KCNIP1: variants seen among roughly 807,000 people sequenced by gnomAD.
KCNIP1 encodes A-type potassium channel modulatory protein KCNIP1.
A neutral mutation model predicts 33.0 loss-of-function variants in KCNIP1; 18 were observed. That is an observed-to-expected ratio of 0.55 (90% CI 0.38 to 0.81). The LOEUF (loss-of-function observed/expected upper bound fraction) is 0.81. Ranked by LOEUF, KCNIP1 falls within the 30% of genes least tolerant of loss-of-function variation. KCNIP1 has a pLI of 0.00. For synonymous variants in KCNIP1, 93 were observed against 98.3 expected, an observed-to-expected ratio of 0.95 and a Z score of 0.32; for missense variants, 238 against 271.6, an observed-to-expected ratio of 0.88 and a Z score of 0.87.
chr5:170,430,869 C>T (rs1051855423), intron 1 of KCNIP1, among the ~76,000 whole-genome samples: 5 of 152,192 alleles, frequency 3.3e-5, no homozygotes, highest in Non-Finnish European at 4.4e-5. Context: ...GACCCCTTCA[C>T]TAGTCTCATA....
At chr5:170,640,561 G>T (rs1212610665) in intron 1 of KCNIP1, among the ~76,000 whole-genome samples, 4 of 152,188 alleles carry the variant, frequency 2.6e-5, no homozygotes, top group Non-Finnish European at 4.4e-5. Context: ...AATGAAATTT[G>T]TTTAACCGGT....
At chr5:170,640,869 C>A (rs956259865) in intron 1 of KCNIP1, among the ~76,000 whole-genome samples, 10 of 152,262 alleles carry the variant, frequency 6.6e-5, no homozygotes, top group Admixed American at 5.2e-4. Flanking sequence ...AGAATCGACT[C>A]CTCTGCTTCC....
At chr5:170,688,121 C>T (rs1310989959) in intron 1 of KCNIP1, among the ~76,000 whole-genome samples, 2 of 152,188 alleles carry the variant, frequency 1.3e-5, no homozygotes, top group African/African-American at 4.8e-5. Flanking sequence ...CTCATGGCTA[C>T]CAGGTGAGCA....
intron 1 of KCNIP1, among the ~76,000 whole-genome samples, chr5:170,476,561 A>C (rs183822681): frequency 0.065 from 9,908 of 152,230 alleles, 642 homozygotes; most frequent in African/African-American, 0.15. Context: ...AAAAAATAGC[A>C]GTATGACAAT....
intron 1 of KCNIP1, among the ~76,000 whole-genome samples, chr5:170,664,026 C>G (rs1235663510): frequency 2.0e-5 from 3 of 152,132 alleles, no homozygotes; most frequent in African/African-American, 7.2e-5. Flanking sequence ...TTTGACCATG[C>G]CACTTTCTCC....
chr5:170,362,016 G>C (rs1240210563), intron 1 of KCNIP1, among the ~76,000 whole-genome samples: 1 of 152,150 alleles, frequency 6.6e-6, no homozygotes, highest in Non-Finnish European at 1.5e-5. Context: ...GATTTCAAAG[G>C]CCTCTTTCAG....
intron 1 of KCNIP1, among the ~76,000 whole-genome samples, chr5:170,699,288 G>A (rs1763008380): frequency 6.6e-6 from 1 of 152,072 alleles, no homozygotes; most frequent in Admixed American, 6.5e-5. Context: ...ACACAGAGAA[G>A]ATGGGTACAT....
intron 2 of KCNIP1, among the ~76,000 whole-genome samples, chr5:170,719,976 G>C (rs1763763076): frequency 6.6e-6 from 1 of 152,144 alleles, no homozygotes; most frequent in Non-Finnish European, 1.5e-5. Flanking sequence ...AGATACCCTT[G>C]GGGAAGTTAT....
chr5:170,471,339 T>TCCCCC (rs530701132), intron 1 of KCNIP1, among the ~76,000 whole-genome samples: 7 of 152,326 alleles, frequency 4.6e-5, no homozygotes, highest in African/African-American at 1.7e-4. Flanking sequence ...AACAACACCC[T>TCCCCC]CCCCAGTCCC....
intron 1 of KCNIP1, among the ~76,000 whole-genome samples, chr5:170,583,829 C>T (rs574526338): frequency 2.0e-5 from 3 of 152,136 alleles, no homozygotes; most frequent in Non-Finnish European, 4.4e-5. Context: ...TAAAGATAAT[C>T]ATCAGTTTTT....
intron 3 of KCNIP1, among the ~76,000 whole-genome samples, chr5:170,721,504 T>C (rs1763822866): frequency 6.6e-6 from 1 of 152,122 alleles, no homozygotes. Context: ...TGAGTGCTCA[T>C]CCCAGGCATT....
At chr5:170,649,175 T>C (rs1760909421) in intron 1 of KCNIP1, among the ~76,000 whole-genome samples, 1 of 152,160 alleles carries the variant, frequency 6.6e-6, no homozygotes, top group South Asian at 2.1e-4. Flanking sequence ...AAAATTATTG[T>C]TGAACGCATT....
intron 1 of KCNIP1, among the ~76,000 whole-genome samples, chr5:170,506,352 A>C (rs1205131911): frequency 6.6e-6 from 1 of 152,130 alleles, no homozygotes; most frequent in Non-Finnish European, 1.5e-5. Flanking sequence ...GTATGTAGGA[A>C]GTAGAGGAAG....
At chr5:170,431,207 G>A (rs76916907) in intron 1 of KCNIP1, among the ~76,000 whole-genome samples, 2 of 152,350 alleles carry the variant, frequency 1.3e-5, no homozygotes, top group African/African-American at 4.8e-5. Flanking sequence ...GCTGGCGGAG[G>A]AGCCAGAAGG....
rs532845194 is a variant in KCNIP1 at position 170,620,218 on chromosome 5, A to T, written c.62-98540A>T. Among the ~76,000 whole-genome samples, 299 of 152,276 alleles carry T rather than the reference A, an allele frequency of 2.0e-3. 2 individuals are homozygous for T. The highest frequency in any genetic ancestry group is 2.0e-3 in the Non-Finnish European group (138 of 68,026). On this transcript the variant is annotated intron_variant, in intron 1 of 7. Coordinates refer to ENST00000328939, the MANE Select transcript of KCNIP1 (RefSeq NM_014592.4). ...TGGATGTTGATGTGTCTTCCAACAC[A>T]TGCACCAACCTTTCCCTGTCCTGTA...
At chr5:170,511,469 C>T (rs1198845444) in intron 1 of KCNIP1, among the ~76,000 whole-genome samples, 1 of 152,220 alleles carries the variant, frequency 6.6e-6, no homozygotes, top group Non-Finnish European at 1.5e-5. Context: ...TCCCGAGCCA[C>T]CATATCCATG....
chr5:170,548,765 G>A (rs1756504573), intron 1 of KCNIP1, among the ~76,000 whole-genome samples: 1 of 152,182 alleles, frequency 6.6e-6, no homozygotes, highest in Non-Finnish European at 1.5e-5. Flanking sequence ...TACCTACTGG[G>A]TTTCTAAGCA....
intron 1 of KCNIP1, among the ~76,000 whole-genome samples, chr5:170,462,613 A>T (rs1180960908): frequency 1.3e-5 from 2 of 152,356 alleles, no homozygotes; most frequent in Non-Finnish European, 2.9e-5. Flanking sequence ...CATTTGATCC[A>T]GCAATCCCAC....
rs577655117 is a variant in KCNIP1, at chr5:170,509,168, G to A, written c.61+4535G>A. Among the ~76,000 whole-genome samples the A allele has an allele frequency of 2.6e-5, 4 of 152,298 alleles. No homozygotes were observed. In the South Asian group the frequency reaches 8.3e-4, roughly 32 times the overall value. On this transcript the variant is annotated intron_variant, in intron 1 of 7. Coordinates refer to ENST00000328939, the MANE Select transcript of KCNIP1 (RefSeq NM_014592.4). ...AATGAATTCTGTTGTTCGGTCTGCTGGCTTTGAATTGACTTTGTCCATGAA... is the reference window on the plus strand; with the variant it reads ...AATGAATTCTGTTGTTCGGTCTGCTAGCTTTGAATTGACTTTGTCCATGAA...
Sources: allele counts gnomAD v4.1 joint callset (sites outside exome capture counted in the v4.1 genomes callset), GRCh38; gene constraint gnomAD v4.1.1; transcripts MANE v1.5; gene names NCBI Gene and HGNC (gene_info 2026-07-23, HGNC 2026-07-21).